Variants in SVEP1 observed in about 807,000 individuals in gnomAD.
SVEP1 encodes the protein sushi, von Willebrand factor type A, EGF and pentraxin domain containing 1, also known as sushi, von Willebrand factor type A, EGF and pentraxin domain-containing protein 1.
In SVEP1, 164 loss-of-function variants were observed where a neutral mutation model predicts 367.3. The ratio of observed to expected loss-of-function variants is 0.45; its 90% confidence interval spans 0.39 to 0.51. The LOEUF is 0.51. Ranked by LOEUF, SVEP1 falls within the 20% of genes least tolerant of loss-of-function variation. The probability of loss-of-function intolerance (pLI) is 0.00; values close to 1 mark genes in which losing one functional copy is unlikely to be tolerated. For synonymous variants in SVEP1, 1,666 were observed against 1,611.6 expected, an observed-to-expected ratio of 1.03 and a Z score of -0.81; for missense variants, 4,117 against 4,425.3, an observed-to-expected ratio of 0.93 and a Z score of 1.98.
chr9:110,367,052 G>A (rs951705192), intron 47 of SVEP1, among the ~76,000 whole-genome samples: 7 of 152,218 alleles, frequency 4.6e-5, no homozygotes, highest in African/African-American at 1.7e-4. Context: ...GGGATTTAAT[G>A]GATGCCACAA....
chr9:110,476,318 G>C lies in SVEP1; in HGVS notation c.2488-3C>G. 6.2e-7 allele frequency: 1 copy of C among 1,606,100 alleles called. No homozygotes were observed. The highest frequency in any genetic ancestry group is 1.1e-5 in the South Asian group (1 of 90,520). ...GCATCACTACAAAATGATGGGACCT[G>C]CAAGTAAAAAATGAAGAGGATAAAG... On this transcript the variant is annotated splice_region_variant and splice_polypyrimidine_tract_variant and intron_variant, in intron 13 of 47. Transcript: ENST00000374469.
At chr9:110,523,544 T>C (rs915844022) in intron 3 of SVEP1, among the ~76,000 whole-genome samples, 2 of 152,132 alleles carry the variant, frequency 1.3e-5, no homozygotes, top group Non-Finnish European at 2.9e-5. Context: ...AGTCTAACTA[T>C]ACCAATTAAG....
At chr9:110,488,532 G>C (rs1488162255) in intron 9 of SVEP1, among the ~76,000 whole-genome samples, 1 of 152,068 alleles carries the variant, frequency 6.6e-6, no homozygotes, top group African/African-American at 2.4e-5. Flanking sequence ...GAAGCTAAGG[G>C]AAGGAAAAAG....
At chr9:110,507,610 G>T (rs569422510) in intron 5 of SVEP1, among the ~76,000 whole-genome samples, 2 of 152,250 alleles carry the variant, frequency 1.3e-5, no homozygotes, top group South Asian at 4.1e-4. Context: ...AAAATGATCC[G>T]AAACATTTTG....
intron 36 of SVEP1, among the ~76,000 whole-genome samples, chr9:110,425,104 A>T (rs188557035): frequency 5.9e-5 from 9 of 152,338 alleles, no homozygotes; most frequent in Admixed American, 5.2e-4. Context: ...TGCATATTAA[A>T]GGGGCATCAT....
At chr9:110,550,544 C>CA (rs1161037356) in intron 1 of SVEP1, among the ~76,000 whole-genome samples, 1 of 151,612 alleles carries the variant, frequency 6.6e-6, no homozygotes, top group Non-Finnish European at 1.5e-5. Flanking sequence ...CATCTCTATC[C>CA]AAACCACTGC....
At chr9:110,431,160 A>G (rs1023711348) in intron 32 of SVEP1, among the ~76,000 whole-genome samples, 2 of 152,332 alleles carry the variant, frequency 1.3e-5, no homozygotes, top group East Asian at 3.9e-4. Flanking sequence ...ATGTATGTCC[A>G]AAGATGCTTA....
intron 18 of SVEP1, among the ~76,000 whole-genome samples, 172 bp from the exon 19 acceptor site, chr9:110,459,285 C>T (rs1443575852): frequency 6.6e-6 from 1 of 152,146 alleles, no homozygotes; most frequent in Non-Finnish European, 1.5e-5. Context: ...GTTGGGTCTC[C>T]TTCCTATCTT....
Position 110,579,613 on chromosome 9 carries a change from C to G in SVEP1, c.-70G>C, listed in dbSNP as rs1266745758. ...CGGGCGGGAAGAGGCGCTGGGCGGCCGGACTCGCAGAGGGGCGTGCGCGGA... is the reference window on the plus strand; with the variant it reads ...CGGGCGGGAAGAGGCGCTGGGCGGCGGGACTCGCAGAGGGGCGTGCGCGGA... On this transcript the variant is annotated 5_prime_UTR_variant, in exon 1 of 48. Coordinates refer to ENST00000374469, the MANE Select transcript of SVEP1 (RefSeq NM_153366.4). This position sits in a 1 kb window ranked among gnomAD's most constrained non-coding sequence, Gnocchi z 5.3. The G allele has an allele frequency of 1.1e-5, 16 of 1,457,122 alleles. No homozygotes were observed. Among genetic ancestry groups the G allele is most frequent in the East Asian group, 8.2e-5 (3 of 36,528 alleles). 90.3% of individuals were successfully genotyped at this position (1,457,122 alleles called of 1,614,324 possible).
Position 110,481,411 on chromosome 9 carries a change from T to A in SVEP1, c.2196A>T (p.Thr732=), listed in dbSNP as rs746269665. The A allele has an allele frequency of 6.3e-7, 1 of 1,594,134 alleles. No homozygotes were observed. The highest frequency in any genetic ancestry group is 8.6e-7 in the Non-Finnish European group (1 of 1,169,458). The change falls in exon 12 of 48, where the codon ACA becomes ACT. Residue 732 remains threonine (T), a synonymous_variant. Transcript: ENST00000374469. ...IKGSPCEIPF[T]PVNGDFICTP... The stretch of plus-strand genomic sequence containing the variant: ...TGCATATAAAATCCCCATTTACAGG[T>A]GTGAATGGAATTTCACAGGGAGAAC...
At chr9:110,371,841 C>G (rs1223537642) in intron 46 of SVEP1, among the ~76,000 whole-genome samples, 1 of 152,190 alleles carries the variant, frequency 6.6e-6, no homozygotes, top group Non-Finnish European at 1.5e-5. Context: ...CTTGCCAATT[C>G]TGCTTTTACA....
At chr9:110,369,888 T>G in intron 47 of SVEP1, 35 bp downstream of exon 47, 1 of 1,572,002 alleles carries the variant, frequency 6.4e-7, no homozygotes, top group South Asian at 1.1e-5. Flanking sequence ...AGAGTCTTCA[T>G]GTTATAGGCG....
At chr9:110,567,439 C>A (rs530093651) in intron 1 of SVEP1, among the ~76,000 whole-genome samples, 1 of 152,062 alleles carries the variant, frequency 6.6e-6, no homozygotes, top group Admixed American at 6.5e-5. Flanking sequence ...TTTTGATACT[C>A]GGTCTCATTC....
chr9:110,392,074 A>T (rs1480591815), intron 40 of SVEP1, among the ~76,000 whole-genome samples: 1 of 149,862 alleles, frequency 6.7e-6, no homozygotes, highest in African/African-American at 2.5e-5. Flanking sequence ...CAGGGTCTCC[A>T]GTTTGCAGAG....
At chr9:110,412,356 C>T (rs1453689993) in intron 36 of SVEP1, among the ~76,000 whole-genome samples, 1 of 152,162 alleles carries the variant, frequency 6.6e-6, no homozygotes, top group Non-Finnish European at 1.5e-5. Context: ...GTCTCCTAAG[C>T]CTTTACCCCA....
chr9:110,399,298 G>C (rs1207826071), intron 40 of SVEP1, among the ~76,000 whole-genome samples: 1 of 150,054 alleles, frequency 6.7e-6, no homozygotes, highest in Non-Finnish European at 1.5e-5. Flanking sequence ...TGAACAATGA[G>C]AACACATGGA....
Position 110,579,268 on chromosome 9 carries a change from G to T in SVEP1, c.276C>A (p.Ser92=). Residue 92 remains serine (S), a synonymous_variant, in exon 1 of 48, where the codon TCC becomes TCA. Transcript: ENST00000374469. This position sits in a 1 kb window ranked among gnomAD's most constrained non-coding sequence, Gnocchi z 5.3. ...LELVFLVDDS[S]SVGEVNFRSE... ...TGCGGAAGTTGACTTCGCCCACGCT[G>T]GACGAATCATCCACCAGGAAGACAA... The T allele has an allele frequency of 6.4e-7, 1 of 1,572,806 alleles. No individual in the cohort carries two copies. The highest frequency in any genetic ancestry group is 1.4e-5 in the African/African-American group (1 of 74,006).
At chr9:110,409,138 G>C (rs571422249) in intron 37 of SVEP1, among the ~76,000 whole-genome samples, 187 bp from the exon 38 acceptor site, 2 of 152,280 alleles carry the variant, frequency 1.3e-5, no homozygotes, top group South Asian at 4.1e-4. Flanking sequence ...GAAAATGATA[G>C]TAGAAAGTCA....
At chr9:110,377,507 G>A (rs1827366821) in intron 44 of SVEP1, 141 bp from the exon 45 acceptor site, 1 of 657,500 alleles carries the variant, frequency 1.5e-6, no homozygotes, top group African/African-American at 1.8e-5. Context: ...ATCTCAGGAG[G>A]GAATTTCAGT....
Sources: allele counts gnomAD v4.1 joint callset (sites outside exome capture counted in the v4.1 genomes callset), GRCh38; gene constraint gnomAD v4.1.1; non-coding constraint Gnocchi (gnomAD v3.1); transcripts MANE v1.5; gene names NCBI Gene and HGNC (gene_info 2026-07-23, HGNC 2026-07-21).